Variants in EYS observed in about 807,000 individuals in gnomAD.
EYS encodes the protein protein eyes shut homolog.
In EYS, 250 loss-of-function variants were observed where a neutral mutation model predicts 282.1. That is an observed-to-expected ratio of 0.89 (90% confidence interval 0.80 to 0.98). EYS has a LOEUF of 0.98. Among genes scored for constraint, EYS ranks in the 50% least tolerant of loss-of-function variants. The pLI, the probability that EYS is intolerant of heterozygous loss-of-function variation, is 0.00. For missense variants in EYS, 4,016 were observed against 3,709.0 expected, an observed-to-expected ratio of 1.08 and a Z score of -2.15; for synonymous variants, 1,355 against 1,282.9, an observed-to-expected ratio of 1.06 and a Z score of -1.20.
At chr6:65,508,075 A>G (rs534053938) in intron 2 of EYS, among the ~76,000 whole-genome samples, 1 of 148,228 alleles carries the variant, frequency 6.7e-6, no homozygotes, top group Non-Finnish European at 1.5e-5. Flanking sequence ...ATCTCTGTCA[A>G]TGTGGTTGGG....
chr6:64,889,722 C>T (rs1238063673), intron 18 of EYS, among the ~76,000 whole-genome samples: 3 of 152,020 alleles, frequency 2.0e-5, no homozygotes, highest in Non-Finnish European at 4.4e-5. Context: ...CCCGTCTTTA[C>T]TTTAATCTTT....
chr6:65,664,316 G>A (rs1382055225), intron 1 of EYS, among the ~76,000 whole-genome samples: 1 of 152,164 alleles, frequency 6.6e-6, no homozygotes, highest in Non-Finnish European at 1.5e-5. Context: ...GGCAGACTGA[G>A]ATGAATGTGG....
chr6:64,586,112 C>T (rs770058518), intron 26 of EYS, among the ~76,000 whole-genome samples: 1 of 151,982 alleles, frequency 6.6e-6, no homozygotes, highest in Non-Finnish European at 1.5e-5. Context: ...AAAGTAGGGT[C>T]GTTAGGAGGT....
At chr6:64,685,567 T>A (rs1337571291) in intron 22 of EYS, among the ~76,000 whole-genome samples, 3 of 152,164 alleles carry the variant, frequency 2.0e-5, no homozygotes, top group Non-Finnish European at 4.4e-5. Context: ...TCTTGCTTCC[T>A]CTCTTGCCAT....
At chr6:63,956,178 A>C (rs1383794349) in intron 35 of EYS, among the ~76,000 whole-genome samples, 1 of 152,212 alleles carries the variant, frequency 6.6e-6, no homozygotes. Flanking sequence ...TCTGAGCCCA[A>C]GCCTGCATGT....
intron 37 of EYS, chr6:63,798,034 G>A (rs576073652): frequency 6.6e-6 from 1 of 152,104 alleles, no homozygotes; most frequent in African/African-American, 2.4e-5. Flanking sequence ...CCAGTTTGTG[G>A]GTAAACTTAA....
intron 33 of EYS, among the ~76,000 whole-genome samples, chr6:64,012,759 C>A (rs1003612363): frequency 2.0e-5 from 3 of 152,074 alleles, no homozygotes; most frequent in Non-Finnish European, 4.4e-5. Context: ...TGCAACTCAG[C>A]ACAAAATAAA....
intron 2 of EYS, among the ~76,000 whole-genome samples, chr6:65,506,290 A>C (rs1340538426): frequency 6.6e-6 from 1 of 151,738 alleles, no homozygotes; most frequent in Non-Finnish European, 1.5e-5. Flanking sequence ...CTGATAAGCA[A>C]TTTTTTTGTA....
intron 2 of EYS, among the ~76,000 whole-genome samples, chr6:65,575,665 C>CT (rs1764638705): frequency 6.6e-6 from 1 of 151,682 alleles, no homozygotes; most frequent in Non-Finnish European, 1.5e-5. Context: ...AATTTGTGTT[C>CT]TTTTAAACTA....
intron 2 of EYS, among the ~76,000 whole-genome samples, chr6:65,544,295 G>A (rs1768302141): frequency 6.6e-6 from 1 of 152,084 alleles, no homozygotes; most frequent in Admixed American, 6.6e-5. Context: ...TTTGCAGAAT[G>A]TCATTTTGTG....
chr6:64,344,462 GA>G (rs1389366043), intron 29 of EYS, among the ~76,000 whole-genome samples: 3 of 151,958 alleles, frequency 2.0e-5, no homozygotes, highest in Non-Finnish European at 2.9e-5. Context: ...AAAACCACAT[GA>G]TTATCTCAAT....
At chr6:65,517,347 A>AAAAAAT (rs1303849302) in intron 2 of EYS, among the ~76,000 whole-genome samples, 83 of 151,632 alleles carry the variant, frequency 5.5e-4, no homozygotes, top group African/African-American at 2.0e-3. Flanking sequence ...ACAACAAAAA[A>AAAAAAT]AAAACAAAAG....
At chr6:64,593,514 C>T (rs992609139) in intron 24 of EYS, among the ~76,000 whole-genome samples, 3 of 152,098 alleles carry the variant, frequency 2.0e-5, no homozygotes, top group African/African-American at 7.2e-5. Flanking sequence ...GAGATATGCA[C>T]AGTTGCATGC....
intron 1 of EYS, among the ~76,000 whole-genome samples, chr6:65,648,781 C>T (rs1249365761): frequency 6.6e-6 from 1 of 151,982 alleles, no homozygotes; most frequent in East Asian, 1.9e-4. Context: ...TCACATTTAA[C>T]TGAAATTGGT....
intron 18 of EYS, among the ~76,000 whole-genome samples, chr6:64,893,353 T>G: frequency 6.6e-6 from 1 of 152,018 alleles, no homozygotes; most frequent in Non-Finnish European, 1.5e-5. Context: ...ATAGAATAGA[T>G]TAAAAACATG....
chr6:65,144,874 C>T (rs1764438659), intron 12 of EYS, among the ~76,000 whole-genome samples: 1 of 151,822 alleles, frequency 6.6e-6, no homozygotes, highest in South Asian at 2.1e-4. Flanking sequence ...AAGCGATTCT[C>T]CTGCCTCAGC....
intron 22 of EYS, among the ~76,000 whole-genome samples, chr6:64,686,529 C>G (rs1001429605): frequency 6.6e-6 from 1 of 150,774 alleles, no homozygotes; most frequent in African/African-American, 2.4e-5. Flanking sequence ...ATCACGAGGT[C>G]AGGAGATCGA....
At chr6:65,075,648 G>C (rs1774027142) in intron 12 of EYS, among the ~76,000 whole-genome samples, 1 of 151,618 alleles carries the variant, frequency 6.6e-6, no homozygotes, top group Non-Finnish European at 1.5e-5. Flanking sequence ...AAGCTCTTAT[G>C]ATTCCACCTA....
intron 5 of EYS, among the ~76,000 whole-genome samples, chr6:65,478,741 C>G (rs540292678): frequency 6.6e-6 from 1 of 152,160 alleles, no homozygotes; most frequent in Middle Eastern, 3.4e-3. Flanking sequence ...TTTAGAATCA[C>G]TGAAGAGTTG....
Sources: allele counts gnomAD v4.1 joint callset (sites outside exome capture counted in the v4.1 genomes callset), GRCh38; gene constraint gnomAD v4.1.1; transcripts MANE v1.5; gene names NCBI Gene and HGNC (gene_info 2026-07-23, HGNC 2026-07-21).